Variants in CDH13 observed in about 807,000 individuals in gnomAD.
CDH13 encodes cadherin-13.
Under a neutral mutation model 63.8 loss-of-function variants are expected in CDH13, and 24 were observed. The observed-to-expected ratio is 0.38, with a 90% CI of 0.27 to 0.53. CDH13 has a LOEUF of 0.53. Ranked by LOEUF, CDH13 falls within the 20% of genes least tolerant of loss-of-function variation. The probability of loss-of-function intolerance (pLI) is 0.85; values close to 1 mark genes in which losing one functional copy is unlikely to be tolerated. For missense variants in CDH13, 1,049 were observed against 903.1 expected, an observed-to-expected ratio of 1.16 and a Z score of -2.07; for synonymous variants, 503 against 355.3, an observed-to-expected ratio of 1.42 and a Z score of -4.67.
intron 1 of CDH13, among the ~76,000 whole-genome samples, chr16:82,851,890 C>T (rs992014061): frequency 6.6e-6 from 1 of 152,188 alleles, no homozygotes; most frequent in Non-Finnish European, 1.5e-5. Flanking sequence ...AAATCTAAGA[C>T]CCTCCAAATT....
At chr16:83,444,296 A>C (rs2072598275) in intron 6 of CDH13, among the ~76,000 whole-genome samples, 1 of 152,188 alleles carries the variant, frequency 6.6e-6, no homozygotes, top group South Asian at 2.1e-4. Context: ...CAGATATGTT[A>C]AGCACTTAAG....
At chr16:83,546,481 TC>T (rs1178879065) in intron 7 of CDH13, among the ~76,000 whole-genome samples, 5 of 152,074 alleles carry the variant, frequency 3.3e-5, no homozygotes, top group African/African-American at 1.2e-4. Flanking sequence ...CTTTTTTTTT[TC>T]TCTGGGTTCA....
intron 8 of CDH13, among the ~76,000 whole-genome samples, chr16:83,669,341 G>C (rs909821890): frequency 2.0e-4 from 31 of 152,164 alleles, no homozygotes; most frequent in African/African-American, 7.5e-4. Flanking sequence ...AAAGCCTCTG[G>C]GAGATTCTAA....
intron 11 of CDH13, among the ~76,000 whole-genome samples, chr16:83,759,790 G>T (rs185117403): frequency 2.0e-5 from 3 of 151,936 alleles, no homozygotes; most frequent in Non-Finnish European, 2.9e-5. Context: ...TATCCAAGTG[G>T]TGTGGCACAC....
At position 83,265,971 on chromosome 16, in the gene CDH13, C is replaced by T. The variant is rs193050243; in HGVS notation, c.636+48474C>T. 5.8e-4 allele frequency among the ~76,000 whole-genome samples: 89 copies of T among 152,172 alleles called. 1 individual carries two copies. Among genetic ancestry groups the T allele is most frequent in the African/African-American group, 2.0e-3 (82 of 41,496 alleles). On this transcript the variant is annotated intron_variant, in intron 5 of 13. Coordinates refer to ENST00000567109, the MANE Select transcript of CDH13 (RefSeq NM_001257.5). ...TCTGTTTTTTAGATGGATTCTCGCT[C>T]TGTCGCCCAGGCTAGAGTGCAGTGG...
chr16:83,226,833 C>T (rs930792563), intron 5 of CDH13, among the ~76,000 whole-genome samples: 1 of 151,912 alleles, frequency 6.6e-6, no homozygotes, highest in Non-Finnish European at 1.5e-5. Context: ...GGACCAGATC[C>T]CCAAATGCAG....
At chr16:83,143,560 T>C (rs2036624035) in intron 4 of CDH13, among the ~76,000 whole-genome samples, 1 of 152,186 alleles carries the variant, frequency 6.6e-6, no homozygotes, top group South Asian at 2.1e-4. Context: ...TGAGTTGTTT[T>C]ATACACTAGT....
intron 6 of CDH13, among the ~76,000 whole-genome samples, chr16:83,386,021 G>A (rs908935733): frequency 6.6e-6 from 1 of 152,136 alleles, no homozygotes; most frequent in Admixed American, 6.5e-5. Flanking sequence ...ATGGGTGCTT[G>A]GACAAACACT....
intron 4 of CDH13, among the ~76,000 whole-genome samples, chr16:83,166,381 G>C (rs2037670941): frequency 1.3e-5 from 2 of 152,100 alleles, no homozygotes; most frequent in Non-Finnish European, 2.9e-5. Flanking sequence ...GACAGGAAGA[G>C]TAATTGGGCT....
intron 2 of CDH13, among the ~76,000 whole-genome samples, chr16:82,918,817 T>G (rs1051481503): frequency 6.6e-6 from 1 of 152,152 alleles, no homozygotes; most frequent in African/African-American, 2.4e-5. Context: ...TGGCCCACAC[T>G]GTAACTTTTG....
Position 83,473,367 on chromosome 16 carries a change from G to A in CDH13, c.782-13110G>A, listed in dbSNP as rs370982013. Among the ~76,000 whole-genome samples, 29 of 152,308 alleles carry A rather than the reference G, an allele frequency of 1.9e-4. No individual in the cohort carries two copies. In the South Asian group the frequency reaches 5.8e-3, roughly 31 times the overall value. On this transcript the variant is annotated intron_variant, in intron 6 of 13. Coordinates refer to ENST00000567109, the MANE Select transcript of CDH13 (RefSeq NM_001257.5). Reference sequence around the variant, plus strand: ...AACATTACAGCTTTACTAGCAATTTGCTAGCACTTTCTTCCCGTTGAACAC... The same window carrying A: ...AACATTACAGCTTTACTAGCAATTTACTAGCACTTTCTTCCCGTTGAACAC...
At chr16:83,145,970 G>A (rs1388968335) in intron 4 of CDH13, among the ~76,000 whole-genome samples, 1 of 152,132 alleles carries the variant, frequency 6.6e-6, no homozygotes. Flanking sequence ...GAGGCGGGTG[G>A]ATTACCTGAG....
intron 5 of CDH13, among the ~76,000 whole-genome samples, chr16:83,317,386 C>T (rs570667237): frequency 2.0e-5 from 3 of 152,250 alleles, no homozygotes; most frequent in South Asian, 4.1e-4. Flanking sequence ...AAGGTCAAAG[C>T]CTATGCTTGT....
At chr16:83,172,054 G>A (rs2037941836) in intron 4 of CDH13, among the ~76,000 whole-genome samples, 1 of 152,110 alleles carries the variant, frequency 6.6e-6, no homozygotes, top group South Asian at 2.1e-4. Context: ...TTCAGAGTGT[G>A]ACCTTACTTG....
Position 83,795,146 on chromosome 16 carries a change from A to G in CDH13, c.*116A>G, listed in dbSNP as rs891654764. 9 of 804,344 alleles carry G rather than the reference A, an allele frequency of 1.1e-5. No homozygotes were observed. The highest frequency in any genetic ancestry group is 1.8e-5 in the Non-Finnish European group (9 of 506,174). The allele number at this position is 804,344 out of a possible 1,614,324, so 49.8% of individuals were successfully genotyped here. A position where few individuals can be genotyped will look rare whatever the true frequency, so the allele number is the denominator to read the frequency against. On this transcript the variant is annotated 3_prime_UTR_variant, in exon 14 of 14. Coordinates refer to ENST00000567109, the MANE Select transcript of CDH13 (RefSeq NM_001257.5). ...CTATCGAACTTCACAACTAGGCCTC[A>G]ATTGTTCCGGTTTTTTATTTTCTTT...
chr16:83,571,802 A>G (rs1201822979), intron 7 of CDH13, among the ~76,000 whole-genome samples: 2 of 152,138 alleles, frequency 1.3e-5, no homozygotes, highest in African/African-American at 2.4e-5. Context: ...TCTCAATTCT[A>G]TGCAGCTAGG....
In CDH13 at chr16:82,630,602, AAGCATC is replaced by A. The variant is rs569752821; in HGVS notation, c.45+3470_45+3475del. On this transcript the variant is annotated intron_variant, in intron 1 of 13. Transcript: ENST00000567109. Reference sequence around the variant, plus strand: ...CATACTCAATAACTGCATTATCTAAAAGCATCAGCACTTGGATGTGTAAACTGAGCC... The same window carrying A: ...CATACTCAATAACTGCATTATCTAAAAGCACTTGGATGTGTAAACTGAGCC... 2.6e-3 allele frequency among the ~76,000 whole-genome samples: 401 copies of A among 152,316 alleles called. 1 individual carries two copies. The highest frequency in any genetic ancestry group is 9.4e-3 in the African/African-American group (390 of 41,570).
intron 4 of CDH13, among the ~76,000 whole-genome samples, chr16:83,161,386 A>G (rs145502960): frequency 3.9e-4 from 60 of 152,272 alleles, no homozygotes; most frequent in African/African-American, 1.3e-3. Context: ...AGTTTTCTGA[A>G]GATTCAGATT....
chr16:83,518,333 GA>G (rs2074747026), intron 7 of CDH13, among the ~76,000 whole-genome samples: 1 of 151,424 alleles, frequency 6.6e-6, no homozygotes, highest in African/African-American at 2.4e-5. Flanking sequence ...TTTTAGTAGA[GA>G]CGGGGTTTCA....
Sources: gnomAD v4.1 joint callset for allele counts (sites outside exome capture counted in the v4.1 genomes callset) on GRCh38, gnomAD v4.1.1 for gene constraint, MANE v1.5 for transcripts, NCBI Gene and HGNC (gene_info 2026-07-23, HGNC 2026-07-21) for gene names.